The following CDH13 variants were observed in gnomAD, a reference collection of about 807,000 sequenced individuals.
CDH13 encodes the protein cadherin 13, also known as cadherin-13.
A neutral mutation model predicts 63.8 loss-of-function variants in CDH13; 24 were observed. The observed-to-expected ratio is 0.38, with a 90% CI of 0.27 to 0.53. The LOEUF (loss-of-function observed/expected upper bound fraction) is 0.53, where lower values mean the gene tolerates loss of function less well. CDH13 is among the 20% of genes least tolerant of loss of function. The probability of loss-of-function intolerance (pLI) is 0.85; values close to 1 mark genes in which losing one functional copy is unlikely to be tolerated. For synonymous variants in CDH13, 503 were observed against 355.3 expected, an observed-to-expected ratio of 1.42 and a Z score of -4.67; for missense variants, 1,049 against 903.1, an observed-to-expected ratio of 1.16 and a Z score of -2.07.
chr16:83,021,566 T>A (rs1021149198), intron 2 of CDH13, among the ~76,000 whole-genome samples: 2 of 152,216 alleles, frequency 1.3e-5, no homozygotes, highest in East Asian at 3.9e-4. Context: ...AAGGGTTACA[T>A]GGCAAAAATA....
intron 8 of CDH13, among the ~76,000 whole-genome samples, chr16:83,650,327 G>T (rs536023400): frequency 6.6e-6 from 1 of 152,238 alleles, no homozygotes; most frequent in East Asian, 1.9e-4. Context: ...TATAGTCTTT[G>T]GTTTTACCCT....
intron 6 of CDH13, among the ~76,000 whole-genome samples, chr16:83,419,160 T>G (rs1192328854): frequency 6.6e-6 from 1 of 152,190 alleles, no homozygotes; most frequent in Non-Finnish European, 1.5e-5. Context: ...TTGCTTTTCA[T>G]GAAATCTGTG....
chr16:83,524,122 C>T (rs974264727), intron 7 of CDH13, among the ~76,000 whole-genome samples: 6 of 152,196 alleles, frequency 3.9e-5, no homozygotes, highest in Non-Finnish European at 8.8e-5. Flanking sequence ...ATATCTGTCA[C>T]GACCTTACCA....
At chr16:82,640,424 G>A (rs927799626) in intron 1 of CDH13, among the ~76,000 whole-genome samples, 2 of 152,060 alleles carry the variant, frequency 1.3e-5, no homozygotes, top group Non-Finnish European at 2.9e-5. Context: ...TTAAACCAGG[G>A]GTAGGTATCC....
intron 1 of CDH13, among the ~76,000 whole-genome samples, chr16:82,657,027 T>C (rs77039867): frequency 0.035 from 5,355 of 152,028 alleles, 305 homozygotes; most frequent in African/African-American, 0.12. Context: ...GTTTTGGTGA[T>C]TACAAATAAA....
chr16:83,314,850 C>T (rs1473841272), intron 5 of CDH13, among the ~76,000 whole-genome samples: 1 of 152,198 alleles, frequency 6.6e-6, no homozygotes, highest in Non-Finnish European at 1.5e-5. Flanking sequence ...AGGTTTTATG[C>T]ACAGCTCTTT....
At chr16:82,672,708 T>C (rs966021442) in intron 1 of CDH13, among the ~76,000 whole-genome samples, 4 of 151,930 alleles carry the variant, frequency 2.6e-5, no homozygotes, top group Non-Finnish European at 5.9e-5. Context: ...ATAGAATTCC[T>C]TGTGACTTTC....
chr16:83,324,412 T>A (rs2090312483), intron 5 of CDH13, among the ~76,000 whole-genome samples: 1 of 152,192 alleles, frequency 6.6e-6, no homozygotes, highest in Non-Finnish European at 1.5e-5. Context: ...CAACACCCCC[T>A]CTTTCCTATC....
chr16:82,794,470 A>G (rs2036482732), intron 1 of CDH13, among the ~76,000 whole-genome samples: 1 of 151,032 alleles, frequency 6.6e-6, no homozygotes, highest in South Asian at 2.1e-4. Flanking sequence ...GTAGAGAATC[A>G]TTTAAAATAT....
chr16:82,713,185 T>G lies in CDH13; in HGVS notation c.45+86048T>G, dbSNP rs903293088. The stretch of plus-strand genomic sequence containing the variant: ...TCCCGGTACCACCCGCATAAGAATC[T>G]TTTGGATGCTGAATAAACCTGCAGT... On this transcript the variant is annotated intron_variant, in intron 1 of 13. Coordinates refer to ENST00000567109, the MANE Select transcript of CDH13 (RefSeq NM_001257.5). Among the ~76,000 whole-genome samples, 25 of 152,130 alleles carry G rather than the reference T, an allele frequency of 1.6e-4. 1 individual carries two copies. Among genetic ancestry groups the G allele is most frequent in the Admixed American group, 1.5e-3 (23 of 15,264 alleles).
At chr16:83,091,677 G>A (rs1036026365) in intron 3 of CDH13, among the ~76,000 whole-genome samples, 1 of 152,148 alleles carries the variant, frequency 6.6e-6, no homozygotes, top group Non-Finnish European at 1.5e-5. Context: ...TACCTCATCA[G>A]ATAAGGTTAT....
intron 5 of CDH13, among the ~76,000 whole-genome samples, chr16:83,344,313 G>C (rs572554542): frequency 6.6e-6 from 1 of 152,234 alleles, no homozygotes; most frequent in East Asian, 1.9e-4. Context: ...GAAATCCTCC[G>C]AAATTGTAAA....
intron 1 of CDH13, among the ~76,000 whole-genome samples, chr16:82,641,906 G>A (rs1193335974): frequency 6.6e-6 from 1 of 152,124 alleles, no homozygotes; most frequent in Non-Finnish European, 1.5e-5. Flanking sequence ...GTGCCATGAA[G>A]AATGAGAAAG....
At chr16:82,812,541 A>G (rs1287987248) in intron 1 of CDH13, among the ~76,000 whole-genome samples, 1 of 152,030 alleles carries the variant, frequency 6.6e-6, no homozygotes, top group Non-Finnish European at 1.5e-5. Flanking sequence ...GTGAGAAGAG[A>G]GGAGAGGAGT....
At chr16:83,741,007 A>G (rs1912007811) in intron 10 of CDH13, among the ~76,000 whole-genome samples, 1 of 152,224 alleles carries the variant, frequency 6.6e-6, no homozygotes, top group Non-Finnish European at 1.5e-5. Context: ...AGGGCCCTAG[A>G]GACCATGGCA....
intron 2 of CDH13, among the ~76,000 whole-genome samples, chr16:82,868,972 T>C (rs572150907): frequency 6.6e-6 from 1 of 152,340 alleles, no homozygotes; most frequent in East Asian, 1.9e-4. Flanking sequence ...ATTAATATTA[T>C]AATGGCAGCA....
At chr16:83,241,605 T>C (rs904153123) in intron 5 of CDH13, among the ~76,000 whole-genome samples, 2 of 152,256 alleles carry the variant, frequency 1.3e-5, no homozygotes, top group Non-Finnish European at 2.9e-5. Flanking sequence ...TTTTTTCATA[T>C]GCTCATTAGC....
intron 4 of CDH13, among the ~76,000 whole-genome samples, chr16:83,198,762 T>C (rs1199146310): frequency 1.3e-5 from 2 of 152,174 alleles, no homozygotes; most frequent in East Asian, 1.9e-4. Context: ...ATTCAACTCC[T>C]GCTTTCCCTT....
chr16:82,906,097 T>C (rs1267692373), intron 2 of CDH13, among the ~76,000 whole-genome samples: 1 of 152,230 alleles, frequency 6.6e-6, no homozygotes, highest in Non-Finnish European at 1.5e-5. Context: ...TACCTACCTG[T>C]ACATCTATCT....
Sources: gnomAD v4.1 joint callset for allele counts (sites outside exome capture counted in the v4.1 genomes callset) on GRCh38, gnomAD v4.1.1 for gene constraint, MANE v1.5 for transcripts, NCBI Gene and HGNC (gene_info 2026-07-23, HGNC 2026-07-21) for gene names.